The following RNGTT variants were observed in gnomAD, a reference collection of about 807,000 sequenced individuals.
RNGTT encodes RNA guanylyltransferase and 5'-phosphatase.
Under a neutral mutation model 79.3 loss-of-function variants are expected in RNGTT, and 33 were observed. The observed-to-expected ratio is 0.42, with a 90% CI of 0.32 to 0.56. RNGTT has a LOEUF of 0.56. RNGTT is among the 20% of genes least tolerant of loss of function. RNGTT has a pLI of 0.17. For missense variants in RNGTT, 497 were observed against 739.1 expected, an observed-to-expected ratio of 0.67 and a Z score of 3.80; for synonymous variants, 222 against 235.9, an observed-to-expected ratio of 0.94 and a Z score of 0.54.
chr6:88,844,775 A>C (rs549497493), intron 10 of RNGTT, among the ~76,000 whole-genome samples: 1 of 151,676 alleles, frequency 6.6e-6, no homozygotes, highest in African/African-American at 2.4e-5. Context: ...GCACAATTCT[A>C]CTGTAAGTTG....
intron 4 of RNGTT, among the ~76,000 whole-genome samples, chr6:88,908,116 T>C (rs1229959383): frequency 2.0e-5 from 3 of 152,160 alleles, no homozygotes; most frequent in African/African-American, 7.2e-5. Context: ...TAAGATCAAA[T>C]ATAGAAATAA....
At chr6:88,776,489 T>C (rs28785268) in intron 12 of RNGTT, among the ~76,000 whole-genome samples, 3 of 151,488 alleles carry the variant, frequency 2.0e-5, no homozygotes, top group Admixed American at 2.0e-4. Flanking sequence ...CCAGCTAATT[T>C]TGCATTTTTT....
chr6:88,812,470 G>A (rs180892135), intron 11 of RNGTT, among the ~76,000 whole-genome samples: 1 of 152,010 alleles, frequency 6.6e-6, no homozygotes, highest in South Asian at 2.1e-4. Flanking sequence ...TCATAATTTA[G>A]GCATCATTCA....
chr6:88,949,173 A>AAAAAAAAAAAT (rs1785154601), intron 1 of RNGTT, among the ~76,000 whole-genome samples: 1 of 143,936 alleles, frequency 6.9e-6, no homozygotes. Context: ...AAAAAAAAAA[A>AAAAAAAAAAAT]AAAAAGAAAA....
At chr6:88,748,169 T>C (rs888735305) in intron 13 of RNGTT, among the ~76,000 whole-genome samples, 5 of 151,816 alleles carry the variant, frequency 3.3e-5, no homozygotes, top group Admixed American at 3.3e-4. Flanking sequence ...CAAAGGGAAA[T>C]TAAAAGAAAA....
chr6:88,896,797 C>CA (rs955328614), intron 6 of RNGTT, among the ~76,000 whole-genome samples: 1 of 152,084 alleles, frequency 6.6e-6, no homozygotes, highest in Non-Finnish European at 1.5e-5. Flanking sequence ...CTACATTCAT[C>CA]AAAAAAAGTT....
intron 14 of RNGTT, among the ~76,000 whole-genome samples, chr6:88,632,255 C>G (rs964452206): frequency 1.3e-5 from 2 of 152,134 alleles, no homozygotes; most frequent in Non-Finnish European, 2.9e-5. Context: ...AGCCACCATG[C>G]TCAGCCCCAA....
At chr6:88,909,429 T>C (rs1783762984) in intron 4 of RNGTT, among the ~76,000 whole-genome samples, 1 of 152,130 alleles carries the variant, frequency 6.6e-6, no homozygotes, top group Admixed American at 6.5e-5. Context: ...CCCACTGCAT[T>C]ACCAGACCAC....
chr6:88,612,518 C>T lies in RNGTT; in HGVS notation c.*201G>A. The T allele has an allele frequency of 1.9e-6, 1 of 523,836 alleles. No individual in the cohort carries two copies. The highest frequency in any genetic ancestry group is 2.7e-5 in the South Asian group (1 of 36,554). The allele number at this position is 523,836 out of a possible 1,614,324, so 32.4% of individuals were successfully genotyped here. A position where few individuals can be genotyped will look rare whatever the true frequency, so the allele number is the denominator to read the frequency against. ...ATCAGATAAATAAGATGTTTAAGTC[C>T]ACGATGTATTGCAGCACTGAGGAAA... On this transcript the variant is annotated 3_prime_UTR_variant, in exon 16 of 16. Coordinates refer to ENST00000369485, the MANE Select transcript of RNGTT (RefSeq NM_003800.5).
intron 14 of RNGTT, among the ~76,000 whole-genome samples, chr6:88,619,946 C>T (rs1772381083): frequency 6.6e-6 from 1 of 152,182 alleles, no homozygotes; most frequent in African/African-American, 2.4e-5. Flanking sequence ...GATAAACAGT[C>T]TTCTAGAACT....
chr6:88,776,702 ATTTG>A (rs1778899096), intron 12 of RNGTT, among the ~76,000 whole-genome samples: 1 of 147,424 alleles, frequency 6.8e-6, no homozygotes. Flanking sequence ...TCCTTGGATT[ATTTG>A]TTTTTGTTTT....
intron 14 of RNGTT, among the ~76,000 whole-genome samples, chr6:88,663,513 A>G (rs370698355): frequency 1.3e-5 from 2 of 152,210 alleles, no homozygotes; most frequent in African/African-American, 4.8e-5. Flanking sequence ...AGGGACAGAT[A>G]GCCAAGGAAA....
intron 11 of RNGTT, among the ~76,000 whole-genome samples, chr6:88,815,938 A>G (rs950383656): frequency 7.2e-5 from 11 of 152,216 alleles, no homozygotes; most frequent in African/African-American, 2.4e-4. Context: ...TTTCCACAAT[A>G]TAAAAAAGTA....
intron 9 of RNGTT, among the ~76,000 whole-genome samples, chr6:88,852,256 G>A (rs1781698338): frequency 1.3e-5 from 2 of 151,930 alleles, no homozygotes; most frequent in Non-Finnish European, 2.9e-5. Context: ...AGCAATACCC[G>A]TACTCTTGGT....
intron 13 of RNGTT, among the ~76,000 whole-genome samples, chr6:88,725,352 G>A (rs1190907322): frequency 6.6e-6 from 1 of 152,054 alleles, no homozygotes; most frequent in South Asian, 2.1e-4. Context: ...ACCAAGGAAG[G>A]ATGTTGCAGA....
chr6:88,614,216 T>C, intron 15 of RNGTT, 56 bp downstream of exon 15: 1 of 1,582,920 alleles, frequency 6.3e-7, no homozygotes, highest in Non-Finnish European at 8.6e-7. Flanking sequence ...ACTTTGGGTC[T>C]AACACCTTAA....
intron 13 of RNGTT, among the ~76,000 whole-genome samples, chr6:88,764,087 A>C (rs1778363343): frequency 3.9e-5 from 6 of 152,198 alleles, no homozygotes; most frequent in Admixed American, 1.3e-4. Flanking sequence ...CTGGCTTCTT[A>C]TGAACCCTAT....
chr6:88,843,190 T>C (rs991346665), intron 11 of RNGTT, among the ~76,000 whole-genome samples: 1 of 150,760 alleles, frequency 6.6e-6, no homozygotes, highest in Non-Finnish European at 1.5e-5. Flanking sequence ...GAAAATGAGC[T>C]CTCTCATCTG....
intron 1 of RNGTT, among the ~76,000 whole-genome samples, chr6:88,944,158 T>A (rs1784935499): frequency 6.6e-6 from 1 of 152,262 alleles, no homozygotes; most frequent in African/African-American, 2.4e-5. Context: ...TAAAGCTAAT[T>A]GTGTATGTTT....
Sources: gnomAD v4.1 joint callset for allele counts (sites outside exome capture counted in the v4.1 genomes callset) on GRCh38, gnomAD v4.1.1 for gene constraint, MANE v1.5 for transcripts, NCBI Gene and HGNC (gene_info 2026-07-23, HGNC 2026-07-21) for gene names.